Variants in BTLA observed in about 807,000 individuals in gnomAD.
The protein encoded by BTLA is B- and T-lymphocyte attenuator.
Under a neutral mutation model 25.0 loss-of-function variants are expected in BTLA, and 11 were observed. The ratio of observed to expected loss-of-function variants is 0.44; its 90% CI spans 0.28 to 0.73. The LOEUF is 0.73. Ranked by LOEUF, BTLA falls within the 30% of genes least tolerant of loss-of-function variation. The pLI, the probability that BTLA is intolerant of heterozygous loss-of-function variation, is 0.15. For missense variants in BTLA, 282 were observed against 332.8 expected (o/e 0.85, Z 1.19); for synonymous variants, 104 against 119.8 (o/e 0.87, Z 0.86).
At chr3:112,468,409 C>T (rs2082241808) in intron 4 of BTLA, among the ~76,000 whole-genome samples, 1 of 152,128 alleles carries the variant, frequency 6.6e-6, no homozygotes. Flanking sequence ...AAATATTTAG[C>T]CCCAAGGGTA....
intron 1 of BTLA, among the ~76,000 whole-genome samples, chr3:112,488,383 C>T (rs552825978): frequency 2.6e-5 from 4 of 151,916 alleles, no homozygotes; most frequent in African/African-American, 7.3e-5. Flanking sequence ...CCACCACGCC[C>T]GGCTAATTTT....
At chr3:112,473,204 C>T (rs1391855932) in intron 2 of BTLA, among the ~76,000 whole-genome samples, 6 of 151,734 alleles carry the variant, frequency 4.0e-5, no homozygotes, top group Admixed American at 3.3e-4. Context: ...TGTACTCTCA[C>T]GTGTCCAAAA....
In BTLA at chr3:112,499,406, G is replaced by T; in HGVS notation, c.-48C>A. On this transcript the variant is annotated 5_prime_UTR_variant, in exon 1 of 5. Transcript: ENST00000334529. ...AAAAACTGCTCAAGTAGAAGGCTTT[G>T]CTTCGTCTTCTGAGTGCTGCAGAGT... 6.4e-7 allele frequency: 1 copy of T among 1,560,372 alleles called. No individual in the cohort carries two copies. The highest frequency in any genetic ancestry group is 8.8e-7 in the Non-Finnish European group (1 of 1,137,966).
chr3:112,474,742 C>T (rs185009278), intron 2 of BTLA, among the ~76,000 whole-genome samples: 35 of 152,156 alleles, frequency 2.3e-4, no homozygotes, highest in African/African-American at 8.4e-4. Context: ...GTAGAATTTC[C>T]ATAGGTGGAG....
chr3:112,474,323 C>T (rs990631255), intron 2 of BTLA, among the ~76,000 whole-genome samples: 24 of 152,208 alleles, frequency 1.6e-4, no homozygotes, highest in African/African-American at 5.5e-4. Context: ...ATACTTAGTT[C>T]ACTGAGCACT....
At chr3:112,492,265 C>G (rs188104675) in intron 1 of BTLA, among the ~76,000 whole-genome samples, 5 of 152,168 alleles carry the variant, frequency 3.3e-5, no homozygotes, top group Non-Finnish European at 7.3e-5. Flanking sequence ...AGCTTCTAGT[C>G]AACTTAATGA....
At chr3:112,469,945 C>T (rs955707843) in intron 3 of BTLA, 141 bp from the exon 4 acceptor site, 1 of 627,794 alleles carries the variant, frequency 1.6e-6, no homozygotes, top group Non-Finnish European at 2.8e-6. Context: ...GCCTAGCACA[C>T]ACTTGTTTGT....
At chr3:112,490,832 T>G (rs905729960) in intron 1 of BTLA, among the ~76,000 whole-genome samples, 1 of 152,056 alleles carries the variant, frequency 6.6e-6, no homozygotes, top group Non-Finnish European at 1.5e-5. Context: ...AAAACATATC[T>G]TCTTATATTC....
At position 112,468,993 on chromosome 3, in the gene BTLA, A is replaced by AAC. The variant is rs970361331; in HGVS notation, c.594+763_594+764dup. Among the ~76,000 whole-genome samples the AAC allele has an allele frequency of 3.3e-5, 5 of 152,208 alleles. No individual in the cohort carries two copies. In the South Asian group the frequency reaches 6.2e-4, roughly 19 times the overall value. On this transcript the variant is annotated intron_variant, in intron 4 of 4. Coordinates refer to ENST00000334529, the MANE Select transcript of BTLA (RefSeq NM_181780.4). ...CTTTATCACTATTCCTCCTTATTGA[A>AAC]ACACACACACACATCAAGTTCCTTT...
chr3:112,469,060 T>C (rs908720620), intron 4 of BTLA, among the ~76,000 whole-genome samples: 4 of 152,234 alleles, frequency 2.6e-5, no homozygotes, highest in African/African-American at 9.6e-5. Context: ...ATTAGAGAGC[T>C]TCAGAATGCT....
chr3:112,482,504 T>G (rs961653674), intron 1 of BTLA, among the ~76,000 whole-genome samples: 3 of 152,204 alleles, frequency 2.0e-5, no homozygotes, highest in African/African-American at 7.2e-5. Context: ...TATTCTCATT[T>G]TATCTATTTC....
chr3:112,470,669 T>A (rs2082257213), intron 3 of BTLA, among the ~76,000 whole-genome samples: 1 of 152,190 alleles, frequency 6.6e-6, no homozygotes, highest in African/African-American at 2.4e-5. Flanking sequence ...CAAACCCACA[T>A]TTTTCATATG....
At chr3:112,488,412 C>T (rs560018255) in intron 1 of BTLA, among the ~76,000 whole-genome samples, 7 of 151,912 alleles carry the variant, frequency 4.6e-5, no homozygotes, top group Admixed American at 2.0e-4. Context: ...TTAGTAGAGA[C>T]GGGGTTTTAC....
intron 1 of BTLA, among the ~76,000 whole-genome samples, chr3:112,489,215 A>G (rs1486679299): frequency 2.0e-5 from 3 of 152,166 alleles, no homozygotes; most frequent in African/African-American, 4.8e-5. Context: ...GTGACACTCC[A>G]TGGCCATCCA....
At chr3:112,483,508 T>C (rs1015386556) in intron 1 of BTLA, among the ~76,000 whole-genome samples, 23 of 152,260 alleles carry the variant, frequency 1.5e-4, no homozygotes, top group African/African-American at 5.5e-4. Context: ...CAGTCTTTAT[T>C]TCTTTCAGTT....
Position 112,498,871 on chromosome 3 carries a change from C to A in BTLA, c.88+400G>T, listed in dbSNP as rs73853434. 4.4e-3 allele frequency among the ~76,000 whole-genome samples: 672 copies of A among 152,168 alleles called. 4 individuals carry two copies. The highest frequency in any genetic ancestry group is 0.015 in the African/African-American group (626 of 41,488). The stretch of plus-strand genomic sequence containing the variant: ...TCCGATTATCCAACAACTGTCCTAC[C>A]CAACTGAGCACTGCAGCACTCTACT... On this transcript the variant is annotated intron_variant, in intron 1 of 4. Transcript: ENST00000334529.
In BTLA at chr3:112,466,298, T is replaced by A. The variant is rs557593638; in HGVS notation, c.680A>T (p.Asp227Val). The A allele has an allele frequency of 9.3e-6, 15 of 1,614,068 alleles. No homozygotes were observed. The highest frequency in any genetic ancestry group is 2.2e-5 in the East Asian group (1 of 44,874). ...CCTGAAACAAAGGTCAGGGTCATTA[T>A]CATAAATTCCAGTTTCTGATAGCAG... is the stretch of plus-strand genomic sequence containing the variant. ...QVLLSETGIY[D>V]NDPDLCFRMQ... The change falls in exon 5 of 5, where the codon GAT becomes GTT. Residue 227 changes from aspartate (D) to valine (V), a missense_variant. Physicochemically the swap from Asp to Val is radical, Grantham distance 152. Transcript: ENST00000334529.
chr3:112,472,525 C>T (rs2082268333), intron 2 of BTLA, among the ~76,000 whole-genome samples: 2 of 151,830 alleles, frequency 1.3e-5, no homozygotes, highest in South Asian at 2.1e-4. Context: ...GGTGAAACCC[C>T]GTCTCTACTA....
chr3:112,493,616 C>T (rs2082392230), intron 1 of BTLA, among the ~76,000 whole-genome samples: 1 of 152,172 alleles, frequency 6.6e-6, no homozygotes, highest in Admixed American at 6.5e-5. Flanking sequence ...GCAATTCTGC[C>T]TCAGCCTCCC....
Sources: allele counts gnomAD v4.1 joint callset (sites outside exome capture counted in the v4.1 genomes callset), GRCh38; gene constraint gnomAD v4.1.1; transcripts MANE v1.5; gene names NCBI Gene and HGNC (gene_info 2026-07-23, HGNC 2026-07-21).